ESF1: variants seen among roughly 807,000 people sequenced by gnomAD.
ESF1 encodes ESF1 nucleolar pre-rRNA processing protein, also known as ESF1 homolog.
In ESF1, 58 loss-of-function variants were observed where a neutral mutation model predicts 92.0. The ratio of observed to expected loss-of-function variants is 0.63; its 90% CI spans 0.51 to 0.78. The LOEUF (loss-of-function observed/expected upper bound fraction) is 0.78, where lower values mean the gene tolerates loss of function less well. ESF1 is among the 30% of genes least tolerant of loss of function. The probability of loss-of-function intolerance (pLI) is 0.00; values close to 1 mark genes in which losing one functional copy is unlikely to be tolerated. For missense variants in ESF1, 922 were observed against 989.1 expected, an observed-to-expected ratio of 0.93 and a Z score of 0.91; for synonymous variants, 321 against 313.7, an observed-to-expected ratio of 1.02 and a Z score of -0.24.
chr20:13,723,440 G>A (rs1353388142), intron 11 of ESF1, among the ~76,000 whole-genome samples: 1 of 137,872 alleles, frequency 7.3e-6, no homozygotes, highest in Non-Finnish European at 1.6e-5. Context: ...AGCTACCACT[G>A]GAAAATTAGC....
chr20:13,766,759 C>G lies in ESF1; in HGVS notation c.1666+18G>C, dbSNP rs1222236031. 7 of 1,611,042 alleles carry G rather than the reference C, an allele frequency of 4.3e-6. No individual in the cohort carries two copies. In the East Asian group the frequency reaches 1.3e-4, roughly 31 times the overall value. Reference sequence around the variant, plus strand: ...AAAGACCTATGTCCATTAATGGTCACTGAAAGATTAACAATACCTTGTAGC... The same window carrying G: ...AAAGACCTATGTCCATTAATGGTCAGTGAAAGATTAACAATACCTTGTAGC... On this transcript the variant is annotated intron_variant, in intron 8 of 13. Transcript: ENST00000617257.
chr20:13,770,982 T>C (rs759776173), intron 6 of ESF1, among the ~76,000 whole-genome samples: 33 of 152,200 alleles, frequency 2.2e-4, no homozygotes, highest in Non-Finnish European at 3.7e-4. Context: ...AACAATCTGT[T>C]TTCAAATTCC....
chr20:13,754,391 A>C (rs1009192713), intron 9 of ESF1, among the ~76,000 whole-genome samples: 4 of 152,160 alleles, frequency 2.6e-5, no homozygotes, highest in African/African-American at 9.7e-5. Context: ...TCCAAGGATC[A>C]GCTTTTGAAC....
In ESF1 at chr20:13,717,122, A is replaced by AT. The variant is rs1351256234; in HGVS notation, c.2262+245dup. On this transcript the variant is annotated intron_variant, in intron 13 of 13. Transcript: ENST00000617257. ...ATGAGCCACCACGCCCAGCCAGCTA[A>AT]TTTTTTTTATTTTTCATAGAGATGA... Among the ~76,000 whole-genome samples, 8 of 150,958 alleles carry AT rather than the reference A, an allele frequency of 5.3e-5. No homozygotes were observed. The East Asian group carries it at 1.6e-3, about 30-fold the overall frequency.
chr20:13,714,702 C>T lies in ESF1; in HGVS notation c.*172G>A, dbSNP rs2049810471. On this transcript the variant is annotated 3_prime_UTR_variant, in exon 14 of 14. Coordinates refer to ENST00000617257, the MANE Select transcript of ESF1 (RefSeq NM_001276380.2). ...GTAGGAATATACAATAAAAATTTGT[C>T]AGTCATCCACAATTAAGTACAATTA... is the stretch of plus-strand genomic sequence containing the variant. The T allele has an allele frequency of 3.5e-6, 2 of 574,028 alleles. No homozygotes were observed. Among genetic ancestry groups the T allele is most frequent in the Non-Finnish European group, 5.9e-6 (2 of 339,678 alleles). The allele number at this position is 574,028 out of a possible 1,614,324, so 35.6% of individuals were successfully genotyped here.
chr20:13,748,649 G>A (rs1300083494), intron 9 of ESF1, among the ~76,000 whole-genome samples: 9 of 147,100 alleles, frequency 6.1e-5, no homozygotes, highest in East Asian at 6.0e-4. Flanking sequence ...GTGCAGTGGC[G>A]CGATCTTGGC....
chr20:13,767,942 T>C (rs1055391708), intron 7 of ESF1, among the ~76,000 whole-genome samples: 1 of 152,208 alleles, frequency 6.6e-6, no homozygotes, highest in African/African-American at 2.4e-5. Flanking sequence ...ATTCTGACAA[T>C]TAAGCCTGAG....
chr20:13,746,107 G>C (rs985355536), intron 9 of ESF1, among the ~76,000 whole-genome samples: 1 of 152,096 alleles, frequency 6.6e-6, no homozygotes, highest in Non-Finnish European at 1.5e-5. Flanking sequence ...TGGGATTATA[G>C]GTGTGTGCCA....
At chr20:13,770,088 T>A (rs1600291665) in intron 6 of ESF1, 67 bp from the exon 7 acceptor site, 5 of 899,302 alleles carry the variant, frequency 5.6e-6, no homozygotes, top group Non-Finnish European at 8.7e-6. Context: ...TAGATTCTCA[T>A]CTAATTAGTT....
At chr20:13,756,331 T>C (rs1449549049) in intron 9 of ESF1, among the ~76,000 whole-genome samples, 1 of 152,160 alleles carries the variant, frequency 6.6e-6, no homozygotes, top group Non-Finnish European at 1.5e-5. Flanking sequence ...CTTCAAAATA[T>C]TACAGTTTAA....
At position 13,774,043 on chromosome 20, in the gene ESF1, C is replaced by T. The variant is rs188710601; in HGVS notation, c.1149+1114G>A. ...CCGGGAGGCGGAGCTTGCAGTGAGCCGAGATTGCGCCACTGCACTCCAGCC... is the reference window on the plus strand; with the variant it reads ...CCGGGAGGCGGAGCTTGCAGTGAGCTGAGATTGCGCCACTGCACTCCAGCC... On this transcript the variant is annotated intron_variant, in intron 4 of 13. Coordinates refer to ENST00000617257, the MANE Select transcript of ESF1 (RefSeq NM_001276380.2). Among the ~76,000 whole-genome samples, 585 of 151,264 alleles carry T rather than the reference C, an allele frequency of 3.9e-3. 3 individuals are homozygous for T. The highest frequency in any genetic ancestry group is 0.013 in the African/African-American group (531 of 41,242).
intron 1 of ESF1, among the ~76,000 whole-genome samples, chr20:13,784,439 G>A (rs1980526478): frequency 6.6e-6 from 1 of 152,186 alleles, no homozygotes; most frequent in African/African-American, 2.4e-5. Flanking sequence ...ATCTTACGAG[G>A]TAGGTACCAC....
In ESF1 at chr20:13,718,091, G is replaced by A. The variant is rs574330294; in HGVS notation, c.2116-577C>T. Among the ~76,000 whole-genome samples the A allele has an allele frequency of 1.1e-4, 16 of 152,046 alleles. No individual in the cohort carries two copies. In the East Asian group the frequency reaches 2.7e-3, roughly 26 times the overall value. ...TTTTCTACCAGCCATGGGATTAAAC[G>A]AGAACCCTCAAGAATCAAGTAAATA... On this transcript the variant is annotated intron_variant, in intron 12 of 13. Transcript: ENST00000617257.
rs903914749 is a variant in ESF1 at position 13,722,034 on chromosome 20, G to A, written c.2039-3050C>T. Reference sequence around the variant, plus strand: ...TCAAGCCAAGAGCTCCTTTTGAAATGAATGGACAAATGACATATGCAAAAT... The same window carrying A: ...TCAAGCCAAGAGCTCCTTTTGAAATAAATGGACAAATGACATATGCAAAAT... On this transcript the variant is annotated intron_variant, in intron 11 of 13. Transcript: ENST00000617257. 3.3e-5 allele frequency among the ~76,000 whole-genome samples: 5 copies of A among 152,122 alleles called. No individual in the cohort carries two copies. In the East Asian group the frequency reaches 9.6e-4, roughly 29 times the overall value.
At position 13,718,908 on chromosome 20, in the gene ESF1, CT is replaced by C; in HGVS notation, c.2114del (p.Lys705ArgfsTer8). On this transcript the variant is annotated frameshift_variant and splice_region_variant, in exon 12 of 14. Coordinates refer to ENST00000617257, the MANE Select transcript of ESF1 (RefSeq NM_001276380.2). LOFTEE classifies it high-confidence loss of function. The part of the protein sequence containing the change: ...PEEEIEIERQ[K>X]AEMALLMMDE... ...GCATGTAACAATAATCGTATTTTAC[CT>C]TTTGTCTTTCTATTTCAATTTCTTC... is the stretch of plus-strand genomic sequence containing the variant. 1.3e-6 allele frequency: 2 copies of C among 1,597,376 alleles called. No homozygotes were observed. The highest frequency in any genetic ancestry group is 1.1e-5 in the South Asian group (1 of 88,638).
intron 7 of ESF1, among the ~76,000 whole-genome samples, chr20:13,769,449 C>T (rs914671015): frequency 6.6e-6 from 1 of 152,178 alleles, no homozygotes. Context: ...GAGGCAGACA[C>T]GCTTGTGTCT....
chr20:13,775,144 A>G lies in ESF1; in HGVS notation c.1149+13T>C. On this transcript the variant is annotated intron_variant, in intron 4 of 13. Coordinates refer to ENST00000617257, the MANE Select transcript of ESF1 (RefSeq NM_001276380.2). ...CCTAGAAATATTTATTTCAAAATGA[A>G]ATCAATTCTCACCTTGACGGAAAAT... 1 of 1,500,966 alleles carries G rather than the reference A, an allele frequency of 6.7e-7. No individual in the cohort carries two copies. Among genetic ancestry groups the G allele is most frequent in the Non-Finnish European group, 9.1e-7 (1 of 1,103,890 alleles). 93.0% of individuals were successfully genotyped at this position (1,500,966 alleles called of 1,614,324 possible). A position where few individuals can be genotyped will look rare whatever the true frequency, so the allele number is the denominator to read the frequency against.
intron 9 of ESF1, among the ~76,000 whole-genome samples, chr20:13,748,546 G>GTA (rs1568718280): frequency 9.8e-5 from 5 of 51,240 alleles, no homozygotes; most frequent in Non-Finnish European, 1.5e-4. Context: ...ATATATGTGT[G>GTA]TGTATATATA....
At chr20:13,748,470 A>G (rs1221454715) in intron 9 of ESF1, among the ~76,000 whole-genome samples, 1 of 144,024 alleles carries the variant, frequency 6.9e-6, no homozygotes, top group Non-Finnish European at 1.5e-5. Flanking sequence ...ATATATACAC[A>G]TATATACACA....
Sources: gnomAD v4.1 joint callset for allele counts (sites outside exome capture counted in the v4.1 genomes callset) on GRCh38, gnomAD v4.1.1 for gene constraint, MANE v1.5 for transcripts, NCBI Gene and HGNC (gene_info 2026-07-23, HGNC 2026-07-21) for gene names.